Variants in NOMO1 observed in about 807,000 individuals in gnomAD.
NOMO1 encodes NODAL modulator 1.
A neutral mutation model predicts 133.8 loss-of-function variants in NOMO1; 40 were observed. That is an observed-to-expected ratio of 0.30 (90% CI 0.23 to 0.39). NOMO1 has a LOEUF of 0.39. NOMO1 is among the 10% of genes least tolerant of loss of function. NOMO1 has a pLI of 1.00. For synonymous variants in NOMO1, 236 were observed against 570.5 expected, an observed-to-expected ratio of 0.41 and a Z score of 8.36; for missense variants, 462 against 1,419.9, an observed-to-expected ratio of 0.33 and a Z score of 10.84.
At chr16:14,871,944 G>A (rs1964087537) in intron 17 of NOMO1, among the ~76,000 whole-genome samples, 1 of 151,746 alleles carries the variant, frequency 6.6e-6, no homozygotes, top group Non-Finnish European at 1.5e-5. Context: ...TAGAAGCTTT[G>A]TCAAATCTCC....
chr16:14,867,553 T>C (rs1330778130), intron 15 of NOMO1, among the ~76,000 whole-genome samples: 1 of 132,640 alleles, frequency 7.5e-6, no homozygotes, highest in African/African-American at 2.7e-5. Context: ...AACAGGATCT[T>C]AGCTTCTTGT....
At position 14,838,280 on chromosome 16, in the gene NOMO1, G is replaced by A. The variant is rs1056345386; in HGVS notation, c.166-127G>A. On this transcript the variant is annotated intron_variant, in intron 1 of 30. Transcript: ENST00000287667. ...TTCCCTCTGTCCCCAGTAATGCCCC[G>A]TGTTAAAAGCTGGCATATAATAGGT... 21 of 869,142 alleles carry A rather than the reference G, an allele frequency of 2.4e-5. No homozygotes were observed. In the East Asian group the frequency reaches 4.6e-4, roughly 19 times the overall value. 53.8% of individuals were successfully genotyped at this position (869,142 alleles called of 1,614,324 possible). A position where few individuals can be genotyped will look rare whatever the true frequency, so the allele number is the denominator to read the frequency against.
Position 14,873,322 on chromosome 16 carries a change from G to A in NOMO1, c.2054+993G>A, listed in dbSNP as rs1964105373. Among the ~76,000 whole-genome samples, 5 of 129,534 alleles carry A rather than the reference G, an allele frequency of 3.9e-5. 1 individual carries two copies. Among genetic ancestry groups the A allele is most frequent in the Admixed American group, 7.7e-5 (1 of 12,980 alleles). 85.0% of individuals were successfully genotyped at this position (129,534 alleles called of 152,430 possible). ...TTCCTGAAAGGTCCCCCTATTGGCC[G>A]AGTGGAGAACAGACAGAAGAGGCCT... On this transcript the variant is annotated intron_variant, in intron 18 of 30. Coordinates refer to ENST00000287667, the MANE Select transcript of NOMO1 (RefSeq NM_014287.4).
At chr16:14,867,168 A>ATTTTTTTTT (rs1933432915) in intron 15 of NOMO1, among the ~76,000 whole-genome samples, 1 of 16,322 alleles carries the variant, frequency 6.1e-5, no homozygotes, top group Non-Finnish European at 1.7e-4. Context: ...ATATATATAT[A>ATTTTTTTTT]TATATATATT....
chr16:14,833,828 G>A lies in NOMO1; in HGVS notation c.-24G>A, dbSNP rs888269220. On this transcript the variant is annotated 5_prime_UTR_variant, in exon 1 of 31. Coordinates refer to ENST00000287667, the MANE Select transcript of NOMO1 (RefSeq NM_014287.4). ...GGGCGGGACCCGGCTGCCGGCGGTGGGTCTAGCTGGGGGAGGTCGGGCCAT... is the reference window on the plus strand; with the variant it reads ...GGGCGGGACCCGGCTGCCGGCGGTGAGTCTAGCTGGGGGAGGTCGGGCCAT... The A allele has an allele frequency of 3.9e-6, 2 of 516,938 alleles. No individual in the cohort carries two copies. The highest frequency in any genetic ancestry group is 5.9e-6 in the Non-Finnish European group (2 of 337,580). The allele number at this position is 516,938 out of a possible 1,614,324, so 32.0% of individuals were successfully genotyped here. A position where few individuals can be genotyped will look rare whatever the true frequency, so the allele number is the denominator to read the frequency against.
At chr16:14,845,550 A>G (rs892021280) in intron 4 of NOMO1, among the ~76,000 whole-genome samples, 3 of 151,994 alleles carry the variant, frequency 2.0e-5, no homozygotes, top group Non-Finnish European at 4.4e-5. Context: ...GTGTGAATTT[A>G]GAGTCCTAAT....
intron 9 of NOMO1, among the ~76,000 whole-genome samples, chr16:14,854,287 T>A (rs1433655633): frequency 7.9e-6 from 1 of 127,290 alleles, no homozygotes; most frequent in East Asian, 2.3e-4. Context: ...ACTGGGGATA[T>A]AGCAGTGACC....
chr16:14,864,451 A>G, intron 12 of NOMO1, 134 bp from the exon 13 acceptor site: 3 of 1,505,566 alleles, frequency 2.0e-6, no homozygotes, highest in South Asian at 1.3e-5. Context: ...TGATTGTAAA[A>G]TCGGCCTGGA....
intron 3 of NOMO1, among the ~76,000 whole-genome samples, chr16:14,841,947 C>T (rs1963609634): frequency 6.6e-6 from 1 of 151,848 alleles, no homozygotes; most frequent in Non-Finnish European, 1.5e-5. Context: ...GTTATAGTCC[C>T]TGCCCCACTG....
Position 14,876,421 on chromosome 16 carries a change from A to G in NOMO1, c.2419A>G (p.Ile807Val). The G allele has an allele frequency of 6.2e-7, 1 of 1,611,312 alleles. No homozygotes were observed. Among genetic ancestry groups the G allele is most frequent in the Non-Finnish European group, 8.5e-7 (1 of 1,179,762 alleles). The change falls in exon 21 of 31, where the codon ATC becomes GTC. Residue 807 changes from isoleucine to valine, a missense_variant. Ile to Val is a conservative substitution (Grantham distance 29). Transcript: ENST00000287667. ...GGCAGGCCTGTTTTTAGAAGGCCAGATCCACCCCGAGTTGGAAGGAGTCGA... is the reference window on the plus strand; with the variant it reads ...GGCAGGCCTGTTTTTAGAAGGCCAGGTCCACCCCGAGTTGGAAGGAGTCGA... ...GKAGLFLEGQ[I>V]HPELEGVEIV... is the part of the protein sequence containing the mutation.
At position 14,866,579 on chromosome 16, in the gene NOMO1, G is replaced by A. The variant is rs761886720; in HGVS notation, c.1694G>A (p.Cys565Tyr). ...GTAAGCATCATGCATGAGGATTGGTGCTGGAAGAACAAGAGCCTGGAGGTG... is the reference window on the plus strand; with the variant it reads ...GTAAGCATCATGCATGAGGATTGGTACTGGAAGAACAAGAGCCTGGAGGTG... ...YKISIMHEDWCWKNKSLEVEV... is the reference protein window; with the variant it reads ...YKISIMHEDWYWKNKSLEVEV... The change falls in exon 15 of 31, where the codon TGC becomes TAC. Residue 565 changes from cysteine to tyrosine, a missense_variant. Transcript: ENST00000287667. The A allele has an allele frequency of 6.2e-7, 1 of 1,610,200 alleles. No individual in the cohort carries two copies.
chr16:14,850,879 T>G (rs2606841), intron 6 of NOMO1, among the ~76,000 whole-genome samples: 35 of 151,372 alleles, frequency 2.3e-4, no homozygotes, highest in Non-Finnish European at 4.6e-4. Flanking sequence ...GTCAGGAGTT[T>G]GAGACCAACC....
At chr16:14,850,749 G>A (rs983733666) in intron 6 of NOMO1, among the ~76,000 whole-genome samples, 1 of 151,708 alleles carries the variant, frequency 6.6e-6, no homozygotes, top group African/African-American at 2.4e-5. Context: ...TATGACTTTT[G>A]GTTTTGGGGG....
At chr16:14,862,067 G>T (rs1371164841) in intron 11 of NOMO1, among the ~76,000 whole-genome samples, 2 of 151,514 alleles carry the variant, frequency 1.3e-5, no homozygotes, top group Non-Finnish European at 2.9e-5. Flanking sequence ...GTTTTCCACT[G>T]TTTTTTTTAT....
Position 14,884,372 on chromosome 16 carries a change from G to A in NOMO1, c.3112G>A (p.Val1038Ile), listed in dbSNP as rs748352580. Reference protein sequence around the residue: ...RALPHHRVIEVGNNDIDDVNI... With the variant: ...RALPHHRVIEIGNNDIDDVNI... ...TGGTATTCCCTCTTTCTCTCTCTAG[G>A]TTGGGAATAATGACATCGATGATGT... The change falls in exon 27 of 31, where the codon GTT (valine) becomes ATT (isoleucine). Residue 1038 changes from valine (V) to isoleucine (I), a missense_variant and splice_region_variant. Val to Ile is a conservative substitution (Grantham distance 29). Coordinates refer to ENST00000287667, the MANE Select transcript of NOMO1 (RefSeq NM_014287.4). 1.0e-5 allele frequency: 16 copies of A among 1,558,574 alleles called. No homozygotes were observed. The East Asian group carries it at 2.9e-4, about 28-fold the overall frequency.
In NOMO1 at chr16:14,891,992, G is replaced by A. The variant is rs912708990; in HGVS notation, c.3444+2777G>A. 2.8e-4 allele frequency among the ~76,000 whole-genome samples: 42 copies of A among 152,046 alleles called. 2 individuals are homozygous for A. The highest frequency in any genetic ancestry group is 1.0e-3 in the African/African-American group (42 of 41,344). ...GTGGTGGCTCACGCCTGTAATCCCA[G>A]CATTTTAGGAGGCTGAGGTGGGCAG... On this transcript the variant is annotated intron_variant, in intron 29 of 30. Transcript: ENST00000287667.
chr16:14,858,902 T>C (rs1478955228), intron 11 of NOMO1, among the ~76,000 whole-genome samples: 1 of 151,784 alleles, frequency 6.6e-6, no homozygotes, highest in Non-Finnish European at 1.5e-5. Flanking sequence ...GTGAGATATT[T>C]AGGGTGCCCA....
chr16:14,882,498 C>T, intron 25 of NOMO1, 96 bp from the exon 26 acceptor site: 2 of 1,470,278 alleles, frequency 1.4e-6, no homozygotes, highest in Non-Finnish European at 1.9e-6. Context: ...AGAAATGCTC[C>T]TGTCTTAATG....
intron 1 of NOMO1, among the ~76,000 whole-genome samples, chr16:14,837,479 C>T (rs960281503): frequency 2.0e-5 from 3 of 152,010 alleles, no homozygotes; most frequent in Admixed American, 6.5e-5. Context: ...GGCATTTGGG[C>T]ATCTTACTGG....
Sources: allele counts gnomAD v4.1 joint callset (sites outside exome capture counted in the v4.1 genomes callset), GRCh38; gene constraint gnomAD v4.1.1; transcripts MANE v1.5; gene names NCBI Gene and HGNC (gene_info 2026-07-23, HGNC 2026-07-21).